The following TTC5 variants were observed in gnomAD, a reference collection of about 807,000 sequenced individuals.
The protein encoded by TTC5 is tetratricopeptide repeat domain 5, also known as tetratricopeptide repeat protein 5.
TTC5 carries 46 observed loss-of-function variants against 57.4 expected under a neutral mutation model. The observed-to-expected ratio is 0.80, with a 90% CI of 0.63 to 1.03. TTC5 has a LOEUF of 1.03. Ranked by LOEUF, TTC5 falls within the 50% of genes least tolerant of loss-of-function variation. The pLI, the probability that TTC5 is intolerant of heterozygous loss-of-function variation, is 0.00. For missense variants in TTC5, 504 were observed against 528.1 expected, an observed-to-expected ratio of 0.95 and a Z score of 0.45; for synonymous variants, 190 against 203.5, an observed-to-expected ratio of 0.93 and a Z score of 0.57.
Position 20,295,168 on chromosome 14 carries a change from T to C in TTC5, c.1058+144A>G, listed in dbSNP as rs1485484154. 5 of 708,802 alleles carry C rather than the reference T, an allele frequency of 7.1e-6. No individual in the cohort carries two copies. The African/African-American group carries it at 7.1e-5, about 10-fold the overall frequency. The allele number at this position is 708,802 out of a possible 1,614,324, so 43.9% of individuals were successfully genotyped here. A position where few individuals can be genotyped will look rare whatever the true frequency, so the allele number is the denominator to read the frequency against. ...ATGGTTAAACATCACCCAGACAATA[T>C]CTGCCCACGGGATAGTCACAGAAGG... is the stretch of plus-strand genomic sequence containing the variant. On this transcript the variant is annotated intron_variant, in intron 8 of 9. Transcript: ENST00000258821.
At chr14:20,291,860 T>C (rs563473369) in intron 9 of TTC5, 123 bp downstream of exon 9, 5 of 793,756 alleles carry the variant, frequency 6.3e-6, no homozygotes, top group South Asian at 6.1e-5. Context: ...TACACACAAA[T>C]ATATATACAC....
At chr14:20,304,445 C>T (rs1235703900) in intron 1 of TTC5, among the ~76,000 whole-genome samples, 2 of 152,212 alleles carry the variant, frequency 1.3e-5, no homozygotes, top group Non-Finnish European at 1.5e-5. Flanking sequence ...GTCTGTAAAA[C>T]ACACTTTGAG....
chr14:20,295,912 T>A, intron 6 of TTC5, 58 bp from the exon 7 acceptor site: 1 of 1,452,750 alleles, frequency 6.9e-7, no homozygotes, highest in Admixed American at 2.5e-5. Flanking sequence ...CCCGAGGGAA[T>A]GGCACCATGG....
In TTC5 at chr14:20,303,105, T is replaced by G. The variant is rs1882225339; in HGVS notation, c.52-1140A>C. ...TACTCGGGAGGCTGAGGCAGGAGAATCGCTTGAACCTGGGAGGCAGAGGTT... is the reference window on the plus strand; with the variant it reads ...TACTCGGGAGGCTGAGGCAGGAGAAGCGCTTGAACCTGGGAGGCAGAGGTT... On this transcript the variant is annotated intron_variant, in intron 1 of 9. Transcript: ENST00000258821. 1.3e-5 allele frequency among the ~76,000 whole-genome samples: 2 copies of G among 150,914 alleles called. 1 individual carries two copies. The highest frequency in any genetic ancestry group is 4.2e-4 in the South Asian group (2 of 4,804).
intron 1 of TTC5, chr14:20,305,580 G>A: frequency 2.1e-6 from 1 of 484,050 alleles, no homozygotes; most frequent in Non-Finnish European, 3.7e-6. Flanking sequence ...CCACACACAT[G>A]TATATGCTAT....
Position 20,299,362 on chromosome 14 carries a change from G to A in TTC5, c.483C>T (p.Val161=), listed in dbSNP as rs758003522. ...ACTTAGCCTGTCGGACACTGTCCAT[G>A]ACATGGTGAGAATGTTCATCTTCAG... ...TDTEDEHSHH[V]MDSVRQAKLA... is the part of the protein sequence containing the mutation. The change falls in exon 4 of 10, where the codon GTC becomes GTT. Residue 161 remains valine, a synonymous_variant. Coordinates refer to ENST00000258821, the MANE Select transcript of TTC5 (RefSeq NM_138376.3). 1.2e-6 allele frequency: 2 copies of A among 1,614,116 alleles called. No individual in the cohort carries two copies. Among genetic ancestry groups the A allele is most frequent in the South Asian group, 2.2e-5 (2 of 91,080 alleles).
chr14:20,299,212 C>A, intron 4 of TTC5, 86 bp downstream of exon 4: 1 of 1,458,240 alleles, frequency 6.9e-7, no homozygotes, highest in South Asian at 1.3e-5. Flanking sequence ...ACCTCAGAAT[C>A]ACACTCAAAA....
In TTC5 at chr14:20,300,670, C is replaced by T; in HGVS notation, c.333G>A (p.Glu111=). 1 of 1,614,144 alleles carries T rather than the reference C, an allele frequency of 6.2e-7. No individual in the cohort carries two copies. The highest frequency in any genetic ancestry group is 2.2e-5 in the East Asian group (1 of 44,874). Reference sequence around the variant, plus strand: ...CAACATCCCCTTTTTTCCAGTACACCTCACCCAGCTGGTTCCAGGCTTCCA... The same window carrying T: ...CAACATCCCCTTTTTTCCAGTACACTTCACCCAGCTGGTTCCAGGCTTCCA... ...ELVEAWNQLG[E]VYWKKGDVAA... Residue 111 remains glutamate (E), a synonymous_variant, in exon 3 of 10, where the codon GAG becomes GAA. Coordinates refer to ENST00000258821, the MANE Select transcript of TTC5 (RefSeq NM_138376.3).
At chr14:20,305,812 G>C (rs1882280097) in intron 1 of TTC5, 75 bp downstream of exon 1, 1 of 1,396,706 alleles carries the variant, frequency 7.2e-7, no homozygotes, top group African/African-American at 1.4e-5. Flanking sequence ...GGAATTCACG[G>C]GCAGTACATA....
intron 7 of TTC5, 43 bp downstream of exon 7, chr14:20,295,665 T>TAAAA: frequency 3.0e-6 from 4 of 1,334,640 alleles, no homozygotes; most frequent in East Asian, 2.5e-5. Context: ...CACGACAAAA[T>TAAAA]AAAAAAAAAA....
At chr14:20,303,085 G>A (rs545830289) in intron 1 of TTC5, among the ~76,000 whole-genome samples, 11 of 151,894 alleles carry the variant, frequency 7.2e-5, no homozygotes, top group Admixed American at 1.3e-4. Context: ...CCACCTACTC[G>A]GGAGGCTGAG....
In TTC5 at chr14:20,300,645, C is replaced by T. The variant is rs1229132693; in HGVS notation, c.358G>A (p.Ala120Thr). 1 of 1,613,770 alleles carries T rather than the reference C, an allele frequency of 6.2e-7. No individual in the cohort carries two copies. The highest frequency in any genetic ancestry group is 1.7e-5 in the Admixed American group (1 of 60,018). ...GEVYWKKGDV[A>T]AAHTCFSGAL... ...CCTGAGAAGCAGGTGTGGGCAGCTG[C>T]AACATCCCCTTTTTTCCAGTACACC... Residue 120 changes from alanine (A) to threonine (T), a missense_variant, in exon 3 of 10, where the codon GCA becomes ACA. By Grantham distance (58) the Ala-to-Thr change is moderately conservative (BLOSUM62 0). Transcript: ENST00000258821.
At chr14:20,297,323 A>G (rs1882086382) in intron 5 of TTC5, among the ~76,000 whole-genome samples, 1 of 152,254 alleles carries the variant, frequency 6.6e-6, no homozygotes, top group South Asian at 2.1e-4. Context: ...CTGTGAAGCA[A>G]CTGCTGGCTA....
In TTC5 at chr14:20,288,373, A is replaced by T. The variant is rs561361561; in HGVS notation, c.*1254T>A. On this transcript the variant is annotated 3_prime_UTR_variant, in exon 10 of 10. Transcript: ENST00000258821. ...CAAAGATCTGAGCCATTTCACTAGAAGACTTCTCAATTCATCTGTATACAT... is the reference window on the plus strand; with the variant it reads ...CAAAGATCTGAGCCATTTCACTAGATGACTTCTCAATTCATCTGTATACAT... 6.6e-6 allele frequency: 1 copy of T among 152,282 alleles called. No individual in the cohort carries two copies. The highest frequency in any genetic ancestry group is 6.5e-5 in the Admixed American group (1 of 15,288). 9.4% of individuals were successfully genotyped at this position (152,282 alleles called of 1,614,324 possible).
rs375991066 is a variant in TTC5 at position 20,299,456 on chromosome 14, T to C, written c.397-8A>G. 88 of 1,613,366 alleles carry C rather than the reference T, an allele frequency of 5.5e-5. No individual in the cohort carries two copies. Among genetic ancestry groups the C allele is most frequent in the Non-Finnish European group, 7.3e-5 (86 of 1,179,956 alleles). On this transcript the variant is annotated splice_region_variant and splice_polypyrimidine_tract_variant and intron_variant, in intron 3 of 9. Transcript: ENST00000258821. ...GGAGACTTTGTTCCTGCACTGCAAA[T>C]AGGAAGGGCACATACTCAATCTTCC...
rs1217977861 is a variant in TTC5 at position 20,287,881 on chromosome 14, AG to A, written c.*1745del. On this transcript the variant is annotated 3_prime_UTR_variant, in exon 10 of 10. Transcript: ENST00000258821. ...CTCCTAATCACTCTTCTATGACTCTAGGCCTCAAAATGACACCCAAAACTAA... is the reference window on the plus strand; with the variant it reads ...CTCCTAATCACTCTTCTATGACTCTAGCCTCAAAATGACACCCAAAACTAA... 7 of 152,192 alleles carry A rather than the reference AG, an allele frequency of 4.6e-5. No homozygotes were observed. The highest frequency in any genetic ancestry group is 4.6e-4 in the Admixed American group (7 of 15,274). 9.4% of individuals were successfully genotyped at this position (152,192 alleles called of 1,614,324 possible).
At chr14:20,293,582 A>C (rs926701118) in intron 8 of TTC5, 8 of 152,232 alleles carry the variant, frequency 5.3e-5, no homozygotes, top group African/African-American at 1.9e-4. Context: ...AGAAGTAGCA[A>C]TGGTCAGATT....
chr14:20,292,192 A>C (rs967541751), intron 8 of TTC5, 65 bp from the exon 9 acceptor site: 1 of 1,238,042 alleles, frequency 8.1e-7, no homozygotes, highest in African/African-American at 1.5e-5. Flanking sequence ...AAAGAAGAGC[A>C]GAAACAGTGG....
At chr14:20,295,010 A>G in intron 8 of TTC5, 1 of 310,680 alleles carries the variant, frequency 3.2e-6, no homozygotes, top group Non-Finnish European at 6.1e-6. Flanking sequence ...GGACAGAAGA[A>G]TTTTGAGGTT....
Sources: allele counts gnomAD v4.1 joint callset (sites outside exome capture counted in the v4.1 genomes callset), GRCh38; gene constraint gnomAD v4.1.1; transcripts MANE v1.5; gene names NCBI Gene and HGNC (gene_info 2026-07-23, HGNC 2026-07-21).